CATSPERB: variants seen among roughly 807,000 people sequenced by gnomAD.
The protein encoded by CATSPERB is cation channel sperm-associated auxiliary subunit beta.
A neutral mutation model predicts 128.3 loss-of-function variants in CATSPERB; 93 were observed. That is an observed-to-expected ratio of 0.72 (90% CI 0.61 to 0.86). CATSPERB has a LOEUF of 0.86. Ranked by LOEUF, CATSPERB falls within the 40% of genes least tolerant of loss-of-function variation. The pLI, the probability that CATSPERB is intolerant of heterozygous loss-of-function variation, is 0.00. For synonymous variants in CATSPERB, 381 were observed against 448.8 expected (o/e 0.85, Z 1.91); for missense variants, 1,153 against 1,329.5 (o/e 0.87, Z 2.06).
At chr14:91,596,159 C>T (rs1172740262) in intron 22 of CATSPERB, among the ~76,000 whole-genome samples, 1 of 152,058 alleles carries the variant, frequency 6.6e-6, no homozygotes, top group African/African-American at 2.4e-5. Context: ...ATCAGAAAAC[C>T]TGCATTTAAG....
chr14:91,585,007 CTTTT>C (rs778423024), intron 26 of CATSPERB, among the ~76,000 whole-genome samples: 5 of 151,284 alleles, frequency 3.3e-5, no homozygotes, highest in Admixed American at 6.6e-5. Flanking sequence ...TCTTCTTCTT[CTTTT>C]TATTTTTATT....
intron 15 of CATSPERB, among the ~76,000 whole-genome samples, chr14:91,651,765 A>G (rs1894707857): frequency 3.3e-5 from 5 of 152,196 alleles, no homozygotes; most frequent in Admixed American, 2.6e-4. Flanking sequence ...GATTACAGTG[A>G]CAACCATAAT....
At chr14:91,727,396 A>C (rs1050160441) in intron 2 of CATSPERB, among the ~76,000 whole-genome samples, 30 of 152,224 alleles carry the variant, frequency 2.0e-4, no homozygotes, top group Admixed American at 1.7e-3. Flanking sequence ...GATTGGATTT[A>C]AATAGGAGGC....
At chr14:91,635,318 T>C (rs1299152852) in intron 17 of CATSPERB, among the ~76,000 whole-genome samples, 1 of 151,934 alleles carries the variant, frequency 6.6e-6, no homozygotes, top group Non-Finnish European at 1.5e-5. Flanking sequence ...AAATTGTTTC[T>C]TTTTTAGTTG....
chr14:91,610,622 G>GT lies in CATSPERB; in HGVS notation c.2455dup (p.Thr819AsnfsTer12). 6.2e-7 allele frequency: 1 copy of GT among 1,614,100 alleles called. No individual in the cohort carries two copies. On this transcript the variant is annotated frameshift_variant, in exon 21 of 27. Coordinates refer to ENST00000256343, the MANE Select transcript of CATSPERB (RefSeq NM_024764.4). LOFTEE classifies it high-confidence loss of function. ...GCTTTTCAGTGTTGGCACCATTGTCGTAACAAAGCACTCAGTAGAGGCTGA... is the reference window on the plus strand; with the variant it reads ...GCTTTTCAGTGTTGGCACCATTGTCGTTAACAAAGCACTCAGTAGAGGCTGA...
At chr14:91,714,299 AAG>A in intron 5 of CATSPERB, among the ~76,000 whole-genome samples, 1 of 150,728 alleles carries the variant, frequency 6.6e-6, no homozygotes, top group Non-Finnish European at 1.5e-5. Flanking sequence ...AAAAGAAAAA[AAG>A]AAAGAAAGAA....
At chr14:91,673,984 A>G (rs1895147460) in intron 12 of CATSPERB, among the ~76,000 whole-genome samples, 192 bp downstream of exon 12, 1 of 152,084 alleles carries the variant, frequency 6.6e-6, no homozygotes, top group South Asian at 2.1e-4. Flanking sequence ...TTTTTCTAGA[A>G]CCATTGCTTA....
chr14:91,728,730 G>A (rs1896160542), intron 2 of CATSPERB, among the ~76,000 whole-genome samples: 1 of 152,170 alleles, frequency 6.6e-6, no homozygotes. Flanking sequence ...ACTTTCAACA[G>A]CATGTGACTT....
At chr14:91,731,628 C>CT (rs1896212634) in intron 1 of CATSPERB, among the ~76,000 whole-genome samples, 1 of 152,198 alleles carries the variant, frequency 6.6e-6, no homozygotes, top group Non-Finnish European at 1.5e-5. Flanking sequence ...TCTCCATACA[C>CT]TGCAGCAACT....
At chr14:91,607,826 C>A (rs181780477) in intron 22 of CATSPERB, among the ~76,000 whole-genome samples, 49 of 152,286 alleles carry the variant, frequency 3.2e-4, no homozygotes, top group Admixed American at 2.3e-3. Flanking sequence ...TTCCTCTGAA[C>A]CTAATGGCTC....
At chr14:91,617,804 G>T in intron 19 of CATSPERB, 68 bp from the exon 20 acceptor site, 1 of 1,123,716 alleles carries the variant, frequency 8.9e-7, no homozygotes. Context: ...ATAATGATTG[G>T]CTAATCAGAT....
chr14:91,707,481 A>G (rs1337178870), intron 6 of CATSPERB, among the ~76,000 whole-genome samples: 1 of 151,998 alleles, frequency 6.6e-6, no homozygotes, highest in Non-Finnish European at 1.5e-5. Flanking sequence ...TACCTAAAAA[A>G]CTACTTACTT....
At chr14:91,721,738 T>C (rs1040562614) in intron 4 of CATSPERB, among the ~76,000 whole-genome samples, 7 of 151,462 alleles carry the variant, frequency 4.6e-5, no homozygotes, top group South Asian at 2.1e-4. Context: ...TAGTCCCAGC[T>C]ACTCTGGAGG....
rs545727124 is a variant in CATSPERB, at chr14:91,633,845, G to A, written c.1742+2580C>T. The stretch of plus-strand genomic sequence containing the variant: ...ATATATATATATAGAGAGAGAGAGA[G>A]AAAAAGAAAAAGAGAGAGAGAGTGT... On this transcript the variant is annotated intron_variant, in intron 17 of 26. Coordinates refer to ENST00000256343, the MANE Select transcript of CATSPERB (RefSeq NM_024764.4). Among the ~76,000 whole-genome samples, 93 of 151,700 alleles carry A rather than the reference G, an allele frequency of 6.1e-4. 1 individual carries two copies. In the South Asian group the frequency reaches 0.011, roughly 18 times the overall value.
intron 14 of CATSPERB, among the ~76,000 whole-genome samples, chr14:91,660,770 T>G (rs559738519): frequency 6.6e-6 from 1 of 152,358 alleles, no homozygotes; most frequent in South Asian, 2.1e-4. Context: ...ACAATTCTCC[T>G]TTTATGCCTC....
chr14:91,664,259 C>T (rs1184517001), intron 14 of CATSPERB, among the ~76,000 whole-genome samples: 6 of 115,694 alleles, frequency 5.2e-5, no homozygotes, highest in African/African-American at 1.3e-4. Context: ...TCTTCCATGT[C>T]TTTTTTTTTT....
intron 22 of CATSPERB, among the ~76,000 whole-genome samples, chr14:91,596,078 G>C (rs1467409530): frequency 2.0e-5 from 3 of 152,118 alleles, no homozygotes; most frequent in Non-Finnish European, 4.4e-5. Flanking sequence ...CTGCTTGATA[G>C]TCATGAACAT....
intron 15 of CATSPERB, among the ~76,000 whole-genome samples, chr14:91,645,964 C>T (rs918624026): frequency 2.1e-4 from 32 of 149,182 alleles, no homozygotes; most frequent in Non-Finnish European, 3.7e-4. Context: ...GGGAGTGACC[C>T]GATTTTCCAG....
intron 22 of CATSPERB, among the ~76,000 whole-genome samples, chr14:91,593,192 GC>G (rs1393741667): frequency 1.3e-5 from 2 of 152,350 alleles, no homozygotes; most frequent in East Asian, 3.9e-4. Context: ...GAGAACCTCT[GC>G]TAGGGCAGTG....
Sources: allele counts gnomAD v4.1 joint callset (sites outside exome capture counted in the v4.1 genomes callset), GRCh38; gene constraint gnomAD v4.1.1; transcripts MANE v1.5; gene names NCBI Gene and HGNC (gene_info 2026-07-23, HGNC 2026-07-21).